FIRRM: variants seen among roughly 807,000 people sequenced by gnomAD.
The protein encoded by FIRRM is FIGNL1 interacting regulator of recombination and mitosis.
chr1:169,784,700 T>C, the FIRRM span, among the ~76,000 whole-genome samples: 4 of 152,190 alleles, frequency 2.6e-5, no homozygotes, highest in Non-Finnish European at 4.4e-5. Flanking sequence ...ACAAAGGAAA[T>C]GCACAAGTCA....
the FIRRM span, chr1:169,827,579 A>G: frequency 1.1e-6 from 1 of 939,694 alleles, no homozygotes; most frequent in African/African-American, 1.6e-5. Context: ...TGGAGGTTGC[A>G]GTGAGCTGAG....
At chr1:169,799,263 C>G in the FIRRM span, among the ~76,000 whole-genome samples, 1 of 152,186 alleles carries the variant, frequency 6.6e-6, no homozygotes, top group Non-Finnish European at 1.5e-5. Context: ...GATATGCAGT[C>G]TACTGAATAG....
At chr1:169,796,176 C>T in the FIRRM span, among the ~76,000 whole-genome samples, 1 of 152,158 alleles carries the variant, frequency 6.6e-6, no homozygotes, top group African/African-American at 2.4e-5. Flanking sequence ...GTGCCAAAGC[C>T]CCCTTTTTTA....
the FIRRM span, among the ~76,000 whole-genome samples, chr1:169,796,884 C>G: frequency 6.6e-6 from 1 of 152,192 alleles, no homozygotes; most frequent in African/African-American, 2.4e-5. Context: ...ATGTTTATGT[C>G]TTGGCCCAAA....
At chr1:169,795,562 G>C in the FIRRM span, 1 of 1,054,862 alleles carries the variant, frequency 9.5e-7, no homozygotes. Flanking sequence ...GGGGAGGCAA[G>C]GACTGAGACC....
chr1:169,792,861 T>C, the FIRRM span: 11 of 1,614,000 alleles, frequency 6.8e-6, no homozygotes, highest in Non-Finnish European at 9.3e-6. Context: ...TTTTCACTAC[T>C]TAGTACAAGC....
chr1:169,821,758 A>G, the FIRRM span: 1 of 1,589,518 alleles, frequency 6.3e-7, no homozygotes, highest in South Asian at 1.1e-5. Context: ...CACTACGCTA[A>G]GGTAAGGCTT....
chr1:169,808,862 G>A, the FIRRM span, among the ~76,000 whole-genome samples: 1 of 152,190 alleles, frequency 6.6e-6, no homozygotes, highest in Non-Finnish European at 1.5e-5. Context: ...GCCTCCCAAA[G>A]TGCTGGGATT....
chr1:169,824,220 T>C, the FIRRM span, among the ~76,000 whole-genome samples: 13 of 152,346 alleles, frequency 8.5e-5, no homozygotes, highest in African/African-American at 3.1e-4. Context: ...CTATTCTATG[T>C]GTATCTAGAC....
chr1:169,799,842 T>C, the FIRRM span, among the ~76,000 whole-genome samples: 1 of 151,154 alleles, frequency 6.6e-6, no homozygotes, highest in Non-Finnish European at 1.5e-5. Flanking sequence ...CGTGAGCCGC[T>C]GAGCCTGGCC....
At chr1:169,785,803 C>A in the FIRRM span, among the ~76,000 whole-genome samples, 3 of 152,122 alleles carry the variant, frequency 2.0e-5, no homozygotes, top group South Asian at 2.1e-4. Context: ...ACCAGCGAAC[C>A]TGTATTTCCC....
chr1:169,852,188 C>T, the FIRRM span: 1 of 517,266 alleles, frequency 1.9e-6, no homozygotes, highest in Non-Finnish European at 3.4e-6. Context: ...CATATTGTAC[C>T]AGTGATGCTA....
At chr1:169,825,968 C>T in the FIRRM span, 1 of 157,096 alleles carries the variant, frequency 6.4e-6, no homozygotes, top group South Asian at 1.9e-4. Flanking sequence ...ATAATCTTTC[C>T]ATTCTTCAGT....
At chr1:169,788,432 T>G in the FIRRM span, among the ~76,000 whole-genome samples, 5 of 152,342 alleles carry the variant, frequency 3.3e-5, no homozygotes, top group Admixed American at 6.5e-5. Flanking sequence ...TCTCTCTAGC[T>G]TAATTTATTG....
chr1:169,852,907 C>T, the FIRRM span: 1 of 1,614,074 alleles, frequency 6.2e-7, no homozygotes, highest in Non-Finnish European at 8.5e-7. Flanking sequence ...GGGTCCTGCT[C>T]CAGCCTGGCT....
chr1:169,816,893 AT>A, the FIRRM span, among the ~76,000 whole-genome samples: 2 of 152,250 alleles, frequency 1.3e-5, no homozygotes, highest in Non-Finnish European at 2.9e-5. Context: ...AAAAGAAAAC[AT>A]TCGTATTGCA....
At chr1:169,821,272 A>G in the FIRRM span, among the ~76,000 whole-genome samples, 4 of 151,986 alleles carry the variant, frequency 2.6e-5, no homozygotes, top group Non-Finnish European at 5.9e-5. Flanking sequence ...ATGTGTTTTT[A>G]TGTCTTTACC....
the FIRRM span, among the ~76,000 whole-genome samples, chr1:169,828,316 T>G: frequency 6.6e-6 from 1 of 152,178 alleles, no homozygotes; most frequent in African/African-American, 2.4e-5. Context: ...ATGAGGTTAG[T>G]CTCCCTAAAC....
the FIRRM span, among the ~76,000 whole-genome samples, chr1:169,834,418 CA>C: frequency 3.3e-5 from 5 of 152,114 alleles, no homozygotes; most frequent in African/African-American, 1.2e-4. Context: ...ATAAGATACA[CA>C]TATGGCATGA....
Sources: gnomAD v4.1 joint callset for allele counts (sites outside exome capture counted in the v4.1 genomes callset) on GRCh38, gnomAD v4.1.1 for gene constraint, MANE v1.5 for transcripts, NCBI Gene and HGNC (gene_info 2026-07-23, HGNC 2026-07-21) for gene names.